The following NRXN3 variants were observed in gnomAD, a reference collection of about 807,000 sequenced individuals.
The protein encoded by NRXN3 is neurexin 3.
Under a neutral mutation model 137.6 loss-of-function variants are expected in NRXN3, and 32 were observed. The observed-to-expected ratio is 0.23, with a 90% CI of 0.18 to 0.31. The LOEUF is 0.31. NRXN3 is among the 10% of genes least tolerant of loss of function. The probability of loss-of-function intolerance (pLI) is 1.00; values close to 1 mark genes in which losing one functional copy is unlikely to be tolerated. For synonymous variants in NRXN3, 798 were observed against 784.5 expected, an observed-to-expected ratio of 1.02 and a Z score of -0.29; for missense variants, 1,574 against 2,062.5, an observed-to-expected ratio of 0.76 and a Z score of 4.59.
At chr14:78,179,838 TTTTG>T (rs1320395992) in intron 1 of NRXN3, among the ~76,000 whole-genome samples, 1 of 139,370 alleles carries the variant, frequency 7.2e-6, no homozygotes, top group East Asian at 2.0e-4. Context: ...GTTTCTGTTT[TTTTG>T]TTTTTTTTTT....
At chr14:79,349,320 T>C (rs896254027) in intron 15 of NRXN3, among the ~76,000 whole-genome samples, 7 of 151,958 alleles carry the variant, frequency 4.6e-5, no homozygotes, top group African/African-American at 1.5e-4. Context: ...TATTTAATTA[T>C]TGATAGAATT....
intron 15 of NRXN3, among the ~76,000 whole-genome samples, chr14:79,273,360 C>T (rs141739087): frequency 1.8e-3 from 270 of 150,736 alleles, no homozygotes; most frequent in African/African-American, 6.3e-3. Context: ...ATGGGCCGGG[C>T]ACGGTGGCTC....
chr14:78,406,561 A>G (rs2092498172), intron 4 of NRXN3, among the ~76,000 whole-genome samples: 1 of 152,222 alleles, frequency 6.6e-6, no homozygotes, highest in Admixed American at 6.5e-5. Context: ...TTGGTAGCCC[A>G]CTAATGTCCC....
intron 15 of NRXN3, among the ~76,000 whole-genome samples, chr14:79,463,275 C>T (rs778941963): frequency 2.6e-5 from 4 of 152,074 alleles, no homozygotes; most frequent in Admixed American, 6.6e-5. Context: ...TAGCTTGTTC[C>T]GTAACTTTCA....
chr14:79,464,775 G>A (rs896276185), intron 15 of NRXN3, among the ~76,000 whole-genome samples: 4 of 152,170 alleles, frequency 2.6e-5, no homozygotes, highest in Non-Finnish European at 5.9e-5. Flanking sequence ...AGAAGGCTCA[G>A]GCTGGAGACT....
chr14:78,926,813 TTATATATTATA>T (rs1428663976), intron 10 of NRXN3, among the ~76,000 whole-genome samples: 1 of 50,172 alleles, frequency 2.0e-5, no homozygotes, highest in Non-Finnish European at 3.3e-5. Context: ...TTTATATATA[TTATATATTATA>T]TATAATTTAT....
rs563849933 is a variant in NRXN3 at position 79,093,823 on chromosome 14, A to T, written c.3262+105682A>T. ...TCACCCTATCTTTTGGACTCAGAGT[A>T]TGGGGCCTGGTCTATTTTCTACATG... is the stretch of plus-strand genomic sequence containing the variant. On this transcript the variant is annotated intron_variant, in intron 15 of 20. Transcript: ENST00000335750. Among the ~76,000 whole-genome samples, 279 of 152,048 alleles carry T rather than the reference A, an allele frequency of 1.8e-3. 1 individual carries two copies. The highest frequency in any genetic ancestry group is 6.8e-3 in the Middle Eastern group (2 of 294).
chr14:78,620,255 T>G (rs2097387874), intron 4 of NRXN3, among the ~76,000 whole-genome samples: 1 of 152,196 alleles, frequency 6.6e-6, no homozygotes, highest in Non-Finnish European at 1.5e-5. Context: ...TTTTATTATT[T>G]CAGACAAATG....
At chr14:78,394,966 G>T (rs2091278307) in intron 4 of NRXN3, among the ~76,000 whole-genome samples, 1 of 151,616 alleles carries the variant, frequency 6.6e-6, no homozygotes, top group Non-Finnish European at 1.5e-5. Context: ...GTCTAACTTT[G>T]TCAGTCTTGC....
intron 19 of NRXN3, among the ~76,000 whole-genome samples, chr14:79,787,114 G>T (rs2099131588): frequency 6.6e-6 from 1 of 152,136 alleles, no homozygotes; most frequent in Admixed American, 6.6e-5. Flanking sequence ...CTATAGTCCT[G>T]CAAATAAGAA....
intron 1 of NRXN3, among the ~76,000 whole-genome samples, chr14:78,188,321 C>G (rs981161825): frequency 3.3e-5 from 5 of 152,170 alleles, no homozygotes; most frequent in African/African-American, 4.8e-5. Flanking sequence ...AGATCAAGGT[C>G]ATGGGATCTC....
At chr14:79,390,753 GA>G (rs2094818784) in intron 15 of NRXN3, among the ~76,000 whole-genome samples, 1 of 152,078 alleles carries the variant, frequency 6.6e-6, no homozygotes, top group African/African-American at 2.4e-5. Context: ...GCGTTTACCT[GA>G]GTGCTGTGGT....
At position 78,444,416 on chromosome 14, in the gene NRXN3, T is replaced by C. The variant is rs2094353348; in HGVS notation, c.757+146556T>C. 4.0e-5 allele frequency among the ~76,000 whole-genome samples: 6 copies of C among 151,880 alleles called. No homozygotes were observed. The South Asian group carries it at 1.2e-3, about 32-fold the overall frequency. On this transcript the variant is annotated intron_variant, in intron 4 of 20. Coordinates refer to ENST00000335750, the MANE Select transcript of NRXN3 (RefSeq NM_001330195.2). ...TGGGGAAAATACAGCTCAAGGAGGGTCCATGTGTAAGGATGAATCAAGAGG... is the reference window on the plus strand; with the variant it reads ...TGGGGAAAATACAGCTCAAGGAGGGCCCATGTGTAAGGATGAATCAAGAGG...
chr14:78,873,654 G>A (rs1022518142), intron 10 of NRXN3, among the ~76,000 whole-genome samples: 4 of 152,140 alleles, frequency 2.6e-5, no homozygotes, highest in African/African-American at 9.7e-5. Context: ...TAAAACAGCA[G>A]CAAAAGCATA....
chr14:79,352,928 T>C (rs1566886354), intron 15 of NRXN3, among the ~76,000 whole-genome samples: 1 of 152,146 alleles, frequency 6.6e-6, no homozygotes, highest in African/African-American at 2.4e-5. Flanking sequence ...TCAAAATGTT[T>C]ATTCAGCTTC....
rs933223599 is a variant in NRXN3 at position 79,700,332 on chromosome 14, A to T, written c.4014+2395A>T. ...ACTTCAGAAGTGAGTGGGGAAAAAAAGGTAGGGAAGACTGGATTTCATATT... is the reference window on the plus strand; with the variant it reads ...ACTTCAGAAGTGAGTGGGGAAAAAATGGTAGGGAAGACTGGATTTCATATT... On this transcript the variant is annotated intron_variant, in intron 19 of 20. Coordinates refer to ENST00000335750, the MANE Select transcript of NRXN3 (RefSeq NM_001330195.2). Among the ~76,000 whole-genome samples, 14 of 152,194 alleles carry T rather than the reference A, an allele frequency of 9.2e-5. No homozygotes were observed. In the East Asian group the frequency reaches 1.7e-3, roughly 19 times the overall value.
chr14:78,290,352 C>G (rs1278486232), intron 3 of NRXN3, among the ~76,000 whole-genome samples: 3 of 152,176 alleles, frequency 2.0e-5, no homozygotes, highest in African/African-American at 7.2e-5. Context: ...CCATGAATGT[C>G]TTCAGACACA....
intron 4 of NRXN3, among the ~76,000 whole-genome samples, chr14:78,576,171 G>A (rs1157604853): frequency 6.6e-6 from 1 of 152,154 alleles, no homozygotes; most frequent in African/African-American, 2.4e-5. Context: ...TAAAAGGGAG[G>A]AAATAGAGGC....
chr14:79,448,859 T>C (rs1291533985), intron 15 of NRXN3, among the ~76,000 whole-genome samples: 1 of 152,188 alleles, frequency 6.6e-6, no homozygotes, highest in East Asian at 1.9e-4. Flanking sequence ...GTCCAAGCCC[T>C]CTAGATTGTA....
Sources: allele counts gnomAD v4.1 joint callset (sites outside exome capture counted in the v4.1 genomes callset), GRCh38; gene constraint gnomAD v4.1.1; transcripts MANE v1.5; gene names NCBI Gene and HGNC (gene_info 2026-07-23, HGNC 2026-07-21).